ANK3: variants seen among roughly 807,000 people sequenced by gnomAD.
ANK3 encodes the protein ankyrin 3.
In ANK3, 57 loss-of-function variants were observed where a neutral mutation model predicts 370.9. That is an observed-to-expected ratio of 0.15 (90% CI 0.12 to 0.19). The LOEUF (loss-of-function observed/expected upper bound fraction) is 0.19. ANK3 is among the 10% of genes least tolerant of loss of function. The pLI, the probability that ANK3 is intolerant of heterozygous loss-of-function variation, is 1.00. For missense variants in ANK3, 4,439 were observed against 5,302.1 expected, an observed-to-expected ratio of 0.84 and a Z score of 5.06; for synonymous variants, 1,929 against 1,946.3, an observed-to-expected ratio of 0.99 and a Z score of 0.23.
intron 1 of ANK3, among the ~76,000 whole-genome samples, chr10:60,334,929 T>A (rs1027834313): frequency 6.6e-6 from 1 of 152,094 alleles, no homozygotes; most frequent in Non-Finnish European, 1.5e-5. Context: ...GTGGAGTCTA[T>A]CACTTTCATC....
chr10:60,628,723 A>T (rs1370803706), intron 1 of ANK3, among the ~76,000 whole-genome samples: 1 of 152,204 alleles, frequency 6.6e-6, no homozygotes, highest in African/African-American at 2.4e-5. Flanking sequence ...AAAATTGTAA[A>T]ACTTGAAGTT....
chr10:60,396,565 T>A (rs947952936), intron 2 of ANK3, among the ~76,000 whole-genome samples: 7 of 152,206 alleles, frequency 4.6e-5, no homozygotes, highest in Admixed American at 2.0e-4. Context: ...TCAAAAAGAC[T>A]GATAAAGTAT....
chr10:60,642,461 G>T (rs1260555056), intron 1 of ANK3, among the ~76,000 whole-genome samples: 1 of 152,162 alleles, frequency 6.6e-6, no homozygotes, highest in Admixed American at 6.5e-5. Flanking sequence ...TATAAGAAAT[G>T]ATGAGTTCAT....
intron 7 of ANK3, among the ~76,000 whole-genome samples, chr10:60,257,351 A>G (rs988041046): frequency 2.6e-5 from 4 of 152,196 alleles, no homozygotes; most frequent in Admixed American, 1.3e-4. Context: ...GTTCTTTCCT[A>G]CACAACTAGA....
Position 60,084,817 on chromosome 10 carries a change from C to A in ANK3, c.3859G>T (p.Asp1287Tyr). 1 of 1,544,016 alleles carries A rather than the reference C, an allele frequency of 6.5e-7. No individual in the cohort carries two copies. Among genetic ancestry groups the A allele is most frequent in the Non-Finnish European group, 8.7e-7 (1 of 1,148,438 alleles). The change falls in exon 32 of 44, where the codon GAC becomes TAC. Residue 1287 changes from aspartate (D) to tyrosine (Y), a missense_variant. Around this residue, in one of 13 missense-constraint regions of ANK3, gnomAD observed 702 missense variants for 941.5 expected, o/e 0.75. Transcript: ENST00000280772. ...TNVSARFWLADCHQVLETVGL... is the reference protein window; with the variant it reads ...TNVSARFWLAYCHQVLETVGL... ...ACAGTTTCTAAAACTTGATGGCAGTCTGCAAGCCAAAATCTGAGCAAAACA... is the reference window on the plus strand; with the variant it reads ...ACAGTTTCTAAAACTTGATGGCAGTATGCAAGCCAAAATCTGAGCAAAACA...
intron 2 of ANK3, among the ~76,000 whole-genome samples, chr10:60,568,937 G>A (rs1251098857): frequency 4.6e-5 from 7 of 152,196 alleles, no homozygotes; most frequent in African/African-American, 1.7e-4. Flanking sequence ...TCATCAGCAA[G>A]CTGGGAAGAG....
intron 1 of ANK3, among the ~76,000 whole-genome samples, chr10:60,651,355 A>G (rs2078787260): frequency 6.6e-6 from 1 of 152,186 alleles, no homozygotes; most frequent in Non-Finnish European, 1.5e-5. Context: ...ACACTCTCCT[A>G]TAGAAATTGG....
intron 5 of ANK3, among the ~76,000 whole-genome samples, chr10:60,265,993 C>T (rs2097871852): frequency 1.3e-5 from 2 of 152,122 alleles, no homozygotes; most frequent in Non-Finnish European, 2.9e-5. Context: ...ATACAAATCC[C>T]CTCTACCCTC....
chr10:60,489,258 C>T (rs1217662193), intron 2 of ANK3, among the ~76,000 whole-genome samples: 2 of 152,278 alleles, frequency 1.3e-5, no homozygotes, highest in East Asian at 1.9e-4. Flanking sequence ...AAAATACCAA[C>T]CCTGAAAGTA....
chr10:60,132,565 C>A (rs957063543), intron 25 of ANK3, among the ~76,000 whole-genome samples: 1 of 152,062 alleles, frequency 6.6e-6, no homozygotes, highest in Non-Finnish European at 1.5e-5. Context: ...ATTACCCAGT[C>A]TCTAGTATGT....
chr10:60,460,011 G>T (rs1366755333), intron 2 of ANK3, among the ~76,000 whole-genome samples: 1 of 152,116 alleles, frequency 6.6e-6, no homozygotes, highest in East Asian at 1.9e-4. Flanking sequence ...GCTCAGAAAA[G>T]CAGATGGCAG....
intron 2 of ANK3, among the ~76,000 whole-genome samples, chr10:60,499,473 C>T (rs1211027592): frequency 1.3e-5 from 2 of 152,262 alleles, no homozygotes; most frequent in Admixed American, 1.3e-4. Context: ...ATAGGTAAAA[C>T]ATTATGCAAT....
chr10:60,579,010 C>T (rs1434797107), intron 2 of ANK3, among the ~76,000 whole-genome samples: 1 of 151,614 alleles, frequency 6.6e-6, no homozygotes, highest in African/African-American at 2.4e-5. Context: ...GTTCAAGGAA[C>T]AGGAGAAAAA....
intron 25 of ANK3, among the ~76,000 whole-genome samples, chr10:60,131,148 T>C (rs1013161770): frequency 2.0e-5 from 3 of 152,220 alleles, no homozygotes; most frequent in African/African-American, 7.2e-5. Context: ...AAGAAAATTA[T>C]CAATGCTAAA....
At chr10:60,358,151 TTC>T (rs1356678102) in intron 1 of ANK3, among the ~76,000 whole-genome samples, 17 of 151,040 alleles carry the variant, frequency 1.1e-4, no homozygotes, top group African/African-American at 3.9e-4. Context: ...CACCCAAAAC[TTC>T]TCTCTTATCC....
intron 25 of ANK3, among the ~76,000 whole-genome samples, chr10:60,115,136 G>A (rs949042170): frequency 2.0e-5 from 3 of 152,134 alleles, no homozygotes; most frequent in Admixed American, 6.6e-5. Context: ...ATTTTTGGCA[G>A]TAATGAGAAA....
intron 1 of ANK3, among the ~76,000 whole-genome samples, chr10:60,675,217 T>C (rs1027362550): frequency 6.6e-6 from 1 of 152,336 alleles, no homozygotes; most frequent in East Asian, 1.9e-4. Context: ...TAATTTCCTT[T>C]TAAAAGGAGT....
intron 25 of ANK3, among the ~76,000 whole-genome samples, chr10:60,115,597 ATAAAT>A (rs1205548630): frequency 1.3e-5 from 2 of 152,238 alleles, no homozygotes; most frequent in African/African-American, 4.8e-5. Context: ...GATAGAGAAA[ATAAAT>A]TAAATGGGAT....
intron 1 of ANK3, among the ~76,000 whole-genome samples, chr10:60,654,485 A>G (rs1647953072): frequency 6.6e-6 from 1 of 152,082 alleles, no homozygotes; most frequent in African/African-American, 2.4e-5. Context: ...ATCTGTTGTG[A>G]GTGTTTATTA....
Sources: gnomAD v4.1 joint callset for allele counts (sites outside exome capture counted in the v4.1 genomes callset) on GRCh38, gnomAD v4.1.1 for gene constraint, gnomAD v4.1.1 regional missense constraint, MANE v1.5 for transcripts, NCBI Gene and HGNC (gene_info 2026-07-23, HGNC 2026-07-21) for gene names.